Variants in F13B observed in about 807,000 individuals in gnomAD.
The protein encoded by F13B is TGase.
A neutral mutation model predicts 79.8 loss-of-function variants in F13B; 58 were observed. The observed-to-expected ratio is 0.73, with a 90% CI of 0.59 to 0.90. F13B has a LOEUF of 0.90. Among genes scored for constraint, F13B ranks in the 40% least tolerant of loss-of-function variants. The probability of loss-of-function intolerance (pLI) is 0.00; values close to 1 mark genes in which losing one functional copy is unlikely to be tolerated. For synonymous variants in F13B, 283 were observed against 260.3 expected (o/e 1.09, Z -0.84); for missense variants, 773 against 777.0 (o/e 0.99, Z 0.06).
At chr1:197,057,232 T>A in intron 6 of F13B, 34 bp from the exon 7 acceptor site, 1 of 1,613,912 alleles carries the variant, frequency 6.2e-7, no homozygotes, top group Non-Finnish European at 8.5e-7. Context: ...AACTGACCAT[T>A]TAGCTACACA....
Position 197,040,639 on chromosome 1 carries a change from A to G in F13B, c.1835T>C (p.Ile612Thr). Reference protein sequence around the residue: ...NRPHILHGEYIEFICRGDTYP... With the variant: ...NRPHILHGEYTEFICRGDTYP... Reference sequence around the variant, plus strand: ...AGTATCTCCTCTACAAATAAACTCAATATATTCACCATGCAAAATGTGTGG... The same window carrying G: ...AGTATCTCCTCTACAAATAAACTCAGTATATTCACCATGCAAAATGTGTGG... The change falls in exon 11 of 12, where the codon ATT becomes ACT. Residue 612 changes from isoleucine to threonine, a missense_variant. Transcript: ENST00000367412. 6.2e-7 allele frequency: 1 copy of G among 1,612,774 alleles called. No homozygotes were observed. Among genetic ancestry groups the G allele is most frequent in the Non-Finnish European group, 8.5e-7 (1 of 1,179,010 alleles).
At position 197,050,813 on chromosome 1, in the gene F13B, T is replaced by C. The variant is rs1558306604; in HGVS notation, c.1622A>G (p.Asp541Gly). Reference protein sequence around the residue: ...KHGVIISSTVDTYENGSSVEY... With the variant: ...KHGVIISSTVGTYENGSSVEY... ...TACTGAAGAGCCATTTTCATAGGTG[T>C]CTACTGTTGAACTAATAATGACTCC... The change falls in exon 10 of 12, where the codon GAC (aspartate) becomes GGC (glycine). Residue 541 changes from aspartate (D) to glycine (G), a missense_variant. Physicochemically the swap from Asp to Gly is moderately conservative, Grantham distance 94. Transcript: ENST00000367412. 7.4e-6 allele frequency: 12 copies of C among 1,613,334 alleles called. No individual in the cohort carries two copies. Among genetic ancestry groups the C allele is most frequent in the Admixed American group, 3.3e-5 (2 of 59,864 alleles).
At position 197,060,480 on chromosome 1, in the gene F13B, AG is replaced by A. The variant is rs1655810398; in HGVS notation, c.690del (p.Tyr231MetfsTer17). On this transcript the variant is annotated frameshift_variant, in exon 5 of 12. Coordinates refer to ENST00000367412, the MANE Select transcript of F13B (RefSeq NM_001994.3). LOFTEE classifies it high-confidence loss of function. ...AACTGAACGACATCTCCTTCTTCAT[AG>A]GTTTGCTTTACAGGATGAAAATAAC... Reference protein sequence around the residue: ...ENGYFHPVKQTYEEGDVVQFF... With the variant: ...ENGYFHPVKQXYEEGDVVQFF... The A allele has an allele frequency of 1.2e-6, 2 of 1,608,304 alleles. No individual in the cohort carries two copies.
At chr1:197,042,320 C>T (rs1199584160) in intron 10 of F13B, among the ~76,000 whole-genome samples, 1 of 152,104 alleles carries the variant, frequency 6.6e-6, no homozygotes, top group Non-Finnish European at 1.5e-5. Flanking sequence ...TTCTACAGAA[C>T]ATGAGATTTA....
At chr1:197,060,240 A>G (rs1055584693) in intron 5 of F13B, 126 bp downstream of exon 5, 3 of 622,532 alleles carry the variant, frequency 4.8e-6, no homozygotes, top group Admixed American at 3.0e-5. Flanking sequence ...TTAAAAGATA[A>G]TATTTATTTT....
intron 10 of F13B, among the ~76,000 whole-genome samples, chr1:197,048,187 G>C (rs1036774708): frequency 6.6e-6 from 1 of 151,336 alleles, no homozygotes; most frequent in Admixed American, 6.6e-5. Flanking sequence ...GAGAGAGAGA[G>C]AGAAAGAGGG....
At position 197,052,849 on chromosome 1, in the gene F13B, G is replaced by C; in HGVS notation, c.1355-15C>G. 1.3e-6 allele frequency: 2 copies of C among 1,590,126 alleles called. No individual in the cohort carries two copies. Among genetic ancestry groups the C allele is most frequent in the Non-Finnish European group, 1.7e-6 (2 of 1,162,286 alleles). ...AGTACATGGTTCTGTAAAACAAAAT[G>C]CTCTTTTAAATTCTTTACTTGTCTG... On this transcript the variant is annotated splice_polypyrimidine_tract_variant and intron_variant, in intron 8 of 11. Coordinates refer to ENST00000367412, the MANE Select transcript of F13B (RefSeq NM_001994.3).
intron 1 of F13B, among the ~76,000 whole-genome samples, chr1:197,066,590 G>C (rs1043158671): frequency 6.6e-6 from 1 of 152,108 alleles, no homozygotes; most frequent in African/African-American, 2.4e-5. Flanking sequence ...GTTATTAATA[G>C]AGCCCCTCTT....
intron 10 of F13B, among the ~76,000 whole-genome samples, chr1:197,042,409 T>G (rs1050171217): frequency 1.3e-5 from 2 of 152,118 alleles, no homozygotes. Context: ...AAACCAGCAC[T>G]TCTATTAAGA....
chr1:197,044,853 C>T (rs1655171106), intron 10 of F13B, among the ~76,000 whole-genome samples: 4 of 152,134 alleles, frequency 2.6e-5, no homozygotes, highest in Admixed American at 2.6e-4. Flanking sequence ...GATTAAGAAA[C>T]TCACTCAAAA....
chr1:197,064,017 A>G (rs1655962977), intron 1 of F13B, among the ~76,000 whole-genome samples: 2 of 152,152 alleles, frequency 1.3e-5, no homozygotes, highest in African/African-American at 4.8e-5. Context: ...ACTTGGCAAG[A>G]ACTTGGCAAA....
chr1:197,060,672 A>G (rs1247084760), intron 4 of F13B, 130 bp from the exon 5 acceptor site: 4 of 750,332 alleles, frequency 5.3e-6, no homozygotes, highest in East Asian at 2.7e-5. Context: ...TTCATTTTAT[A>G]TATTTGTTAA....
At chr1:197,051,026 G>A (rs1655423064) in intron 9 of F13B, 147 bp from the exon 10 acceptor site, 1 of 677,894 alleles carries the variant, frequency 1.5e-6, no homozygotes, top group Non-Finnish European at 2.6e-6. Flanking sequence ...CTGCCTCCCA[G>A]GCTCAAGTGA....
chr1:197,056,893 C>T (rs1003186240), intron 7 of F13B, 120 bp downstream of exon 7: 44 of 906,914 alleles, frequency 4.9e-5, no homozygotes, highest in Non-Finnish European at 7.5e-5. Flanking sequence ...GGTGCTGTAG[C>T]AATGTGTTTC....
chr1:197,039,228 TA>T lies in F13B; in HGVS notation c.*149del. The stretch of plus-strand genomic sequence containing the variant: ...TTAGACATTTATTGGTTTTCATTTA[TA>T]AATAACGAAATGTTCAGCACAAATA... On this transcript the variant is annotated 3_prime_UTR_variant, in exon 12 of 12. Transcript: ENST00000367412. The T allele has an allele frequency of 1.5e-6, 1 of 669,254 alleles. No homozygotes were observed. Among genetic ancestry groups the T allele is most frequent in the Non-Finnish European group, 2.6e-6 (1 of 386,628 alleles). 41.5% of individuals were successfully genotyped at this position (669,254 alleles called of 1,614,324 possible).
At position 197,055,910 on chromosome 1, in the gene F13B, G is replaced by T. The variant is rs768175640; in HGVS notation, c.1172-13C>A. 6 of 1,610,364 alleles carry T rather than the reference G, an allele frequency of 3.7e-6. No individual in the cohort carries two copies. The highest frequency in any genetic ancestry group is 3.3e-4 in the Middle Eastern group (2 of 6,068). Reference sequence around the variant, plus strand: ...TTCTCATTATTTTCTAAGAAAAGAGGTTGTTTTAAAATTAATATGAGCTCA... The same window carrying T: ...TTCTCATTATTTTCTAAGAAAAGAGTTTGTTTTAAAATTAATATGAGCTCA... On this transcript the variant is annotated splice_polypyrimidine_tract_variant and intron_variant, in intron 7 of 11. Coordinates refer to ENST00000367412, the MANE Select transcript of F13B (RefSeq NM_001994.3).
At chr1:197,056,213 A>C (rs1655635610) in intron 7 of F13B, among the ~76,000 whole-genome samples, 1 of 152,168 alleles carries the variant, frequency 6.6e-6, no homozygotes, top group Admixed American at 6.6e-5. Context: ...GTCAATTCTA[A>C]AATTGCTCTT....
At position 197,039,336 on chromosome 1, in the gene F13B, C is replaced by A. The variant is rs768550082; in HGVS notation, c.*42G>T. On this transcript the variant is annotated 3_prime_UTR_variant, in exon 12 of 12. Coordinates refer to ENST00000367412, the MANE Select transcript of F13B (RefSeq NM_001994.3). ...CAAAATTATATTTTATAAGGAATTT[C>A]ATGATGTATTGAAATATGACTCCTC... 6.2e-5 allele frequency: 93 copies of A among 1,511,606 alleles called. No individual in the cohort carries two copies. Among genetic ancestry groups the A allele is most frequent in the Non-Finnish European group, 8.1e-5 (88 of 1,091,454 alleles). 93.6% of individuals were successfully genotyped at this position (1,511,606 alleles called of 1,614,324 possible).
chr1:197,061,946 T>C lies in F13B; in HGVS notation c.289A>G (p.Ser97Gly). ...TTTACATCAGAGATGTAACCATTACTCAGGTCAGGCTTAGTGCATTTTTCT... is the reference window on the plus strand; with the variant it reads ...TTTACATCAGAGATGTAACCATTACCCAGGTCAGGCTTAGTGCATTTTTCT... ...CFKKCTKPDL[S>G]NGYISDVKLL... Residue 97 changes from serine to glycine, a missense_variant, in exon 3 of 12, where the codon AGT (serine) becomes GGT (glycine). Ser to Gly is a moderately conservative substitution (Grantham distance 56). Transcript: ENST00000367412. 1 of 1,612,570 alleles carries C rather than the reference T, an allele frequency of 6.2e-7. No homozygotes were observed. Among genetic ancestry groups the C allele is most frequent in the Non-Finnish European group, 8.5e-7 (1 of 1,179,088 alleles).
Sources: gnomAD v4.1 joint callset for allele counts (sites outside exome capture counted in the v4.1 genomes callset) on GRCh38, gnomAD v4.1.1 for gene constraint, MANE v1.5 for transcripts, NCBI Gene and HGNC (gene_info 2026-07-23, HGNC 2026-07-21) for gene names.